Variants in TNKS observed in about 807,000 individuals in gnomAD.
TNKS encodes the protein poly [ADP-ribose] polymerase tankyrase-1.
Under a neutral mutation model 135.8 loss-of-function variants are expected in TNKS, and 72 were observed. The observed-to-expected ratio is 0.53, with a 90% CI of 0.44 to 0.64. The LOEUF (loss-of-function observed/expected upper bound fraction) is 0.64. Among genes scored for constraint, TNKS ranks in the 30% least tolerant of loss-of-function variants. TNKS has a pLI of 0.00. For synonymous variants in TNKS, 849 were observed against 649.3 expected, an observed-to-expected ratio of 1.31 and a Z score of -4.68; for missense variants, 1,769 against 1,674.0, an observed-to-expected ratio of 1.06 and a Z score of -0.99.
At chr8:9,706,766 C>T (rs1804066273) in intron 7 of TNKS, 45 bp from the exon 8 acceptor site, 4 of 1,527,398 alleles carry the variant, frequency 2.6e-6, no homozygotes, top group Non-Finnish European at 3.5e-6. Flanking sequence ...TTATTTGATC[C>T]AGCAAAATGA....
intron 6 of TNKS, 105 bp downstream of exon 6, chr8:9,704,862 A>G (rs1803977634): frequency 6.4e-6 from 5 of 782,448 alleles, no homozygotes; most frequent in Non-Finnish European, 1.0e-5. Context: ...TACGGCTTAC[A>G]TAACGTTTTA....
chr8:9,615,147 T>C (rs1453927321), intron 2 of TNKS: 1 of 156,788 alleles, frequency 6.4e-6, no homozygotes, highest in African/African-American at 2.4e-5. Flanking sequence ...TTGCACAGTA[T>C]TATAACTATT....
chr8:9,719,716 T>C (rs1362348185), intron 11 of TNKS, among the ~76,000 whole-genome samples: 1 of 152,164 alleles, frequency 6.6e-6, no homozygotes, highest in Non-Finnish European at 1.5e-5. Flanking sequence ...GAAGATAAGA[T>C]GAGTCAGGTT....
intron 3 of TNKS, among the ~76,000 whole-genome samples, chr8:9,678,544 T>C (rs1217442201): frequency 6.6e-6 from 1 of 152,208 alleles, no homozygotes; most frequent in Non-Finnish European, 1.5e-5. Flanking sequence ...TAAGAGAAAA[T>C]AGGTATTTAA....
intron 3 of TNKS, among the ~76,000 whole-genome samples, chr8:9,650,240 G>C (rs567755613): frequency 3.5e-4 from 53 of 152,146 alleles, no homozygotes; most frequent in Admixed American, 7.2e-4. Context: ...CATTTGGGCT[G>C]GTTCCATATT....
At chr8:9,635,038 C>T (rs1800456134) in intron 3 of TNKS, among the ~76,000 whole-genome samples, 1 of 152,134 alleles carries the variant, frequency 6.6e-6, no homozygotes, top group Non-Finnish European at 1.5e-5. Context: ...GGCGCGGTGG[C>T]AGGCGCCTGT....
At chr8:9,730,022 G>A (rs1805356017) in intron 13 of TNKS, among the ~76,000 whole-genome samples, 1 of 152,070 alleles carries the variant, frequency 6.6e-6, no homozygotes, top group Non-Finnish European at 1.5e-5. Context: ...TGATCTGCCT[G>A]CCTTGGCCTC....
chr8:9,696,941 G>T (rs1052150487), intron 5 of TNKS, among the ~76,000 whole-genome samples: 4 of 152,056 alleles, frequency 2.6e-5, no homozygotes, highest in Non-Finnish European at 4.4e-5. Context: ...CAAAAAATTA[G>T]AAAAAACTAT....
chr8:9,767,958 C>CAAAAA (rs1030767438), intron 25 of TNKS, among the ~76,000 whole-genome samples: 2 of 68,064 alleles, frequency 2.9e-5, no homozygotes, highest in Non-Finnish European at 2.9e-5. Context: ...GACTCCGTCT[C>CAAAAA]AAAAAAAAAA....
chr8:9,575,686 A>G (rs1353386906), intron 1 of TNKS, among the ~76,000 whole-genome samples: 1 of 152,198 alleles, frequency 6.6e-6, no homozygotes, highest in Non-Finnish European at 1.5e-5. Flanking sequence ...CGCCTGCAGA[A>G]TCATAAGAAA....
At chr8:9,765,884 A>G (rs529128473) in intron 24 of TNKS, 87 bp downstream of exon 24, 91 of 1,098,178 alleles carry the variant, frequency 8.3e-5, no homozygotes, top group Admixed American at 7.6e-4. Flanking sequence ...ATTGACTATA[A>G]TACGGTTGTG....
intron 2 of TNKS, among the ~76,000 whole-genome samples, chr8:9,590,267 A>T (rs770200189): frequency 6.6e-6 from 1 of 151,862 alleles, no homozygotes; most frequent in Non-Finnish European, 1.5e-5. Context: ...TCCAGCTACA[A>T]TGGCCTTTTT....
intron 2 of TNKS, among the ~76,000 whole-genome samples, chr8:9,606,823 G>A (rs896606723): frequency 5.9e-5 from 9 of 152,130 alleles, no homozygotes; most frequent in Non-Finnish European, 1.0e-4. Context: ...TTTTATTCTT[G>A]TTTTAGCAGA....
intron 3 of TNKS, among the ~76,000 whole-genome samples, chr8:9,642,239 A>G (rs62491507): frequency 0.17 from 25,149 of 145,802 alleles, 4,826 homozygotes; most frequent in East Asian, 0.36. Flanking sequence ...ATTTACTCAA[A>G]ATGAATGTGT....
chr8:9,699,799 C>G (rs534653400), intron 5 of TNKS, among the ~76,000 whole-genome samples: 1 of 152,294 alleles, frequency 6.6e-6, no homozygotes, highest in South Asian at 2.1e-4. Flanking sequence ...TTATTCTCCA[C>G]TTAGTAACTA....
intron 1 of TNKS, among the ~76,000 whole-genome samples, chr8:9,567,043 A>G (rs1797572047): frequency 6.6e-6 from 1 of 152,232 alleles, no homozygotes; most frequent in African/African-American, 2.4e-5. Flanking sequence ...TAGCAATGAG[A>G]AATAAAATCT....
intron 3 of TNKS, among the ~76,000 whole-genome samples, chr8:9,669,262 C>T (rs1158301347): frequency 1.3e-5 from 2 of 150,250 alleles, no homozygotes; most frequent in African/African-American, 2.4e-5. Context: ...ACTAAAAATA[C>T]AAAAAATTAG....
intron 26 of TNKS, among the ~76,000 whole-genome samples, chr8:9,772,815 G>C (rs1408021939): frequency 9.4e-5 from 7 of 74,608 alleles, no homozygotes; most frequent in South Asian, 4.7e-4. Flanking sequence ...GTGTTTGTGT[G>C]TGTGTGTGTG....
At chr8:9,618,985 C>T (rs1361815345) in intron 3 of TNKS, among the ~76,000 whole-genome samples, 1 of 152,136 alleles carries the variant, frequency 6.6e-6, no homozygotes, top group East Asian at 1.9e-4. Flanking sequence ...CTTCACAGTA[C>T]CCTTCTATGA....
Sources: allele counts gnomAD v4.1 joint callset (sites outside exome capture counted in the v4.1 genomes callset), GRCh38; gene constraint gnomAD v4.1.1; transcripts MANE v1.5; gene names NCBI Gene and HGNC (gene_info 2026-07-23, HGNC 2026-07-21).